Variants in NRXN1 observed in about 807,000 individuals in gnomAD.
NRXN1 encodes the protein neurexin-1.
A neutral mutation model predicts 150.9 loss-of-function variants in NRXN1; 39 were observed. The observed-to-expected ratio is 0.26, with a 90% CI of 0.20 to 0.34. The LOEUF (loss-of-function observed/expected upper bound fraction) is 0.34. Ranked by LOEUF, NRXN1 falls within the 10% of genes least tolerant of loss-of-function variation. The pLI is 1.00. For synonymous variants in NRXN1, 924 were observed against 757.0 expected, an observed-to-expected ratio of 1.22 and a Z score of -3.62; for missense variants, 1,815 against 1,949.9, an observed-to-expected ratio of 0.93 and a Z score of 1.30.
Position 50,053,338 on chromosome 2 carries a change from G to A in NRXN1, c.4061C>T (p.Thr1354Ile), listed in dbSNP as rs747839919. The change falls in exon 21 of 23, where the codon ACT (threonine) becomes ATT (isoleucine). Residue 1354 changes from threonine (T) to isoleucine (I), a missense_variant. Thr to Ile is a moderately conservative substitution (Grantham distance 89, BLOSUM62 -1). Coordinates refer to ENST00000401669, the MANE Select transcript of NRXN1 (RefSeq NM_001330078.2). ...TGTGCTAGTAGCCAGGGTCGTGGTAGTCTCCATAATTGATGTGGACATCTC... is the reference window on the plus strand; with the variant it reads ...TGTGCTAGTAGCCAGGGTCGTGGTAATCTCCATAATTGATGTGGACATCTC... Reference protein sequence around the residue: ...QSEMSTSIMETTTTLATSTAR... With the variant: ...QSEMSTSIMEITTTLATSTAR... 1.9e-6 allele frequency: 3 copies of A among 1,613,914 alleles called. No individual in the cohort carries two copies. Among genetic ancestry groups the A allele is most frequent in the African/African-American group, 2.7e-5 (2 of 74,914 alleles).
At chr2:49,931,295 ACTT>A (rs1433447867) in intron 22 of NRXN1, among the ~76,000 whole-genome samples, 1 of 152,156 alleles carries the variant, frequency 6.6e-6, no homozygotes, top group Non-Finnish European at 1.5e-5. Flanking sequence ...ATCAGAAATC[ACTT>A]CTTCTGTGCT....
At chr2:50,776,120 T>C (rs1372861731) in intron 5 of NRXN1, among the ~76,000 whole-genome samples, 1 of 152,134 alleles carries the variant, frequency 6.6e-6, no homozygotes, top group Non-Finnish European at 1.5e-5. Context: ...TCCCTTCACA[T>C]TTCAGCTTGT....
In NRXN1 at chr2:50,960,685, C is replaced by G. The variant is rs1558494705; in HGVS notation, c.773-34730G>C. Among the ~76,000 whole-genome samples the G allele has an allele frequency of 2.0e-5, 3 of 151,866 alleles. No homozygotes were observed. The South Asian group carries it at 6.2e-4, about 32-fold the overall frequency. ...GCGTGAACTTGCAGAAGCTCTCTGC[C>G]AGAAATGAGTGCTCAGAGTATTATT... On this transcript the variant is annotated intron_variant, in intron 2 of 22. Coordinates refer to ENST00000401669, the MANE Select transcript of NRXN1 (RefSeq NM_001330078.2).
chr2:50,004,156 G>C (rs59887674), intron 21 of NRXN1, among the ~76,000 whole-genome samples: 55,005 of 151,874 alleles, frequency 0.36, 10,669 homozygotes, highest in South Asian at 0.45. Context: ...AGATCATAGT[G>C]AAAGTCTTGT....
Position 50,109,576 on chromosome 2 carries a change from C to T in NRXN1, c.3547-18082G>A, listed in dbSNP as rs141494877. Among the ~76,000 whole-genome samples, 868 of 150,612 alleles carry T rather than the reference C, an allele frequency of 5.8e-3. 6 individuals carry two copies. Among genetic ancestry groups the T allele is most frequent in the Non-Finnish European group, 9.9e-3 (673 of 67,780 alleles). ...TTTATTGTACTATTAGACACTGACA[C>T]GTTTTAAAGGATCCTTAAAAAAAAA... On this transcript the variant is annotated intron_variant, in intron 18 of 22. Transcript: ENST00000401669.
At chr2:50,227,063 T>G (rs2064453756) in intron 18 of NRXN1, among the ~76,000 whole-genome samples, 1 of 151,694 alleles carries the variant, frequency 6.6e-6, no homozygotes, top group African/African-American at 2.4e-5. Flanking sequence ...TCAGTATGGA[T>G]GAAGATTTGC....
At chr2:50,954,251 T>A (rs1008434586) in intron 2 of NRXN1, among the ~76,000 whole-genome samples, 2 of 152,236 alleles carry the variant, frequency 1.3e-5, no homozygotes, top group African/African-American at 4.8e-5. Flanking sequence ...AGTATGATAT[T>A]ACATTACTGC....
chr2:50,831,317 C>A (rs913142979), intron 5 of NRXN1, among the ~76,000 whole-genome samples: 6 of 152,156 alleles, frequency 3.9e-5, no homozygotes, highest in African/African-American at 1.4e-4. Flanking sequence ...TATTTCATTA[C>A]ATAAAGAACA....
At chr2:50,312,828 C>A in intron 17 of NRXN1, 1 of 483,552 alleles carries the variant, frequency 2.1e-6, no homozygotes, top group East Asian at 5.8e-5. Context: ...TTAAACCACC[C>A]TCCATTTCCT....
At chr2:50,045,281 T>C (rs2152603375) in intron 21 of NRXN1, among the ~76,000 whole-genome samples, 1 of 152,352 alleles carries the variant, frequency 6.6e-6, no homozygotes, top group East Asian at 1.9e-4. Flanking sequence ...GCTTAATGTT[T>C]ACATATATCA....
At chr2:50,740,740 C>A (rs1228986304) in intron 5 of NRXN1, among the ~76,000 whole-genome samples, 1 of 151,920 alleles carries the variant, frequency 6.6e-6, no homozygotes, top group Non-Finnish European at 1.5e-5. Flanking sequence ...TATGCATGTT[C>A]CTATATTTAG....
At chr2:50,752,931 G>T (rs540178956) in intron 5 of NRXN1, among the ~76,000 whole-genome samples, 1 of 152,020 alleles carries the variant, frequency 6.6e-6, no homozygotes, top group African/African-American at 2.4e-5. Context: ...CAATGTAATA[G>T]TTGATAATTA....
intron 21 of NRXN1, among the ~76,000 whole-genome samples, chr2:49,996,374 C>T (rs1683003950): frequency 6.6e-6 from 1 of 152,128 alleles, no homozygotes; most frequent in Admixed American, 6.5e-5. Context: ...ACAAATCATT[C>T]AGTTTACCTG....
chr2:50,587,913 C>G (rs987370524), intron 8 of NRXN1, among the ~76,000 whole-genome samples: 4 of 151,798 alleles, frequency 2.6e-5, no homozygotes, highest in African/African-American at 9.7e-5. Flanking sequence ...CAAATGCAAA[C>G]AAAATAAGAT....
chr2:50,606,774 T>A lies in NRXN1; in HGVS notation c.1320+13248A>T, dbSNP rs192457963. On this transcript the variant is annotated intron_variant, in intron 8 of 22. Transcript: ENST00000401669. ...TTAAAGAATAATAAAGTTTTAGAAT[T>A]GAAAAAAGTGATAGTTTTAATTTGA... Among the ~76,000 whole-genome samples the A allele has an allele frequency of 1.2e-3, 183 of 152,152 alleles. No homozygotes were observed. In the Middle Eastern group the frequency reaches 0.02, roughly 17 times the overall value.
chr2:50,314,589 A>G (rs1277777311), intron 17 of NRXN1, among the ~76,000 whole-genome samples: 2 of 149,730 alleles, frequency 1.3e-5, no homozygotes, highest in African/African-American at 2.5e-5. Flanking sequence ...TTTAAATGCC[A>G]TTGTTTGGTA....
intron 5 of NRXN1, among the ~76,000 whole-genome samples, chr2:50,842,011 T>C (rs1208772130): frequency 6.6e-6 from 1 of 152,190 alleles, no homozygotes; most frequent in African/African-American, 2.4e-5. Context: ...TTTGACTACA[T>C]AATATCAAAT....
At chr2:50,077,058 T>C (rs185678230) in intron 19 of NRXN1, among the ~76,000 whole-genome samples, 26 of 152,198 alleles carry the variant, frequency 1.7e-4, no homozygotes, top group African/African-American at 6.3e-4. Flanking sequence ...TGAATCTCCC[T>C]GTGTTTGCTC....
Position 51,028,256 on chromosome 2 carries a change from G to A in NRXN1, c.18C>T (p.Leu6=). Residue 6 remains leucine, a synonymous_variant, in exon 2 of 23, where the codon CTC becomes CTT. Coordinates refer to ENST00000401669, the MANE Select transcript of NRXN1 (RefSeq NM_001330078.2). The stretch of plus-strand genomic sequence containing the variant: ...ACAGAAGAAAACAGCCCCCGCGCTG[G>A]AGCAGCGCCGTCCCCATGCTCGGGG... MGTAL[L]QRGGCFLLCL... 2 of 1,455,234 alleles carry A rather than the reference G, an allele frequency of 1.4e-6. No homozygotes were observed. Among genetic ancestry groups the A allele is most frequent in the Non-Finnish European group, 1.8e-6 (2 of 1,110,282 alleles). 90.1% of individuals were successfully genotyped at this position (1,455,234 alleles called of 1,614,324 possible).
Sources: gnomAD v4.1 joint callset for allele counts (sites outside exome capture counted in the v4.1 genomes callset) on GRCh38, gnomAD v4.1.1 for gene constraint, MANE v1.5 for transcripts, NCBI Gene and HGNC (gene_info 2026-07-23, HGNC 2026-07-21) for gene names.